Variants in GNA12 observed in about 807,000 individuals in gnomAD.
The protein encoded by GNA12 is G protein subunit alpha 12, also known as guanine nucleotide-binding protein subunit alpha-12.
Under a neutral mutation model 26.0 loss-of-function variants are expected in GNA12, and 9 were observed. That is an observed-to-expected ratio of 0.35 (90% CI 0.21 to 0.60). GNA12 has a LOEUF of 0.60. Among genes scored for constraint, GNA12 ranks in the 20% least tolerant of loss-of-function variants. The pLI, the probability that GNA12 is intolerant of heterozygous loss-of-function variation, is 0.78. For synonymous variants in GNA12, 264 were observed against 219.6 expected, an observed-to-expected ratio of 1.20 and a Z score of -1.79; for missense variants, 405 against 525.8, an observed-to-expected ratio of 0.77 and a Z score of 2.25.
At chr7:2,756,538 C>T (rs1189155527) in intron 2 of GNA12, among the ~76,000 whole-genome samples, 1 of 151,134 alleles carries the variant, frequency 6.6e-6, no homozygotes. Flanking sequence ...TCTCTTGAGC[C>T]CGGGAGGTCG....
chr7:2,841,240 C>T (rs1778980542), intron 1 of GNA12, among the ~76,000 whole-genome samples: 3 of 152,154 alleles, frequency 2.0e-5, no homozygotes, highest in African/African-American at 7.2e-5. Context: ...CAAGCTCCGC[C>T]TCCCGGGTTC....
intron 2 of GNA12, among the ~76,000 whole-genome samples, chr7:2,746,240 C>T (rs1219558758): frequency 1.3e-5 from 2 of 152,210 alleles, no homozygotes; most frequent in Non-Finnish European, 2.9e-5. Context: ...CCACACCACA[C>T]CTATTCCAAA....
At chr7:2,820,141 C>T (rs1457349512) in intron 1 of GNA12, among the ~76,000 whole-genome samples, 1 of 152,178 alleles carries the variant, frequency 6.6e-6, no homozygotes, top group Non-Finnish European at 1.5e-5. Flanking sequence ...ATTCCATTTA[C>T]ATAAAATGTT....
chr7:2,731,349 G>A lies in GNA12; in HGVS notation c.978C>T (p.Asp326=), dbSNP rs61758983. The change falls in exon 4 of 4, where the codon GAC becomes GAT. Residue 326 remains aspartate, a synonymous_variant. Coordinates refer to ENST00000275364, the MANE Select transcript of GNA12 (RefSeq NM_007353.3). The surrounding 1 kb of genome is among the most constrained non-coding windows in gnomAD (Gnocchi z 6.0). ...DFRGDPHRLE[D]VQRYLVQCFD... ...AGCACTGGACCAGGTAGCGCTGGAC[G>A]TCCTCCAGCCTGTGCGGGTCGCCCC... The A allele has an allele frequency of 4.9e-3, 7,840 of 1,614,020 alleles. 316 individuals are homozygous for A. The African/African-American group carries it at 0.092, about 19-fold the overall frequency.
chr7:2,779,179 C>G (rs1453732343), intron 2 of GNA12, among the ~76,000 whole-genome samples: 1 of 151,954 alleles, frequency 6.6e-6, no homozygotes, highest in Non-Finnish European at 1.5e-5. Flanking sequence ...GGCAACATGG[C>G]TGTTTCTCTA....
At chr7:2,776,501 G>A (rs774386066) in intron 2 of GNA12, among the ~76,000 whole-genome samples, 1 of 152,206 alleles carries the variant, frequency 6.6e-6, no homozygotes, top group African/African-American at 2.4e-5. Flanking sequence ...CAGGGGCGAT[G>A]AAAGCATGAA....
At chr7:2,795,710 T>A (rs1792651369) in intron 1 of GNA12, among the ~76,000 whole-genome samples, 1 of 151,364 alleles carries the variant, frequency 6.6e-6, no homozygotes, top group African/African-American at 2.4e-5. Context: ...CTTTCTGCTA[T>A]CATTCATTTG....
chr7:2,736,279 T>C (rs1344462998), intron 2 of GNA12, among the ~76,000 whole-genome samples: 1 of 152,082 alleles, frequency 6.6e-6, no homozygotes, highest in Non-Finnish European at 1.5e-5. Context: ...GGTCACACGA[T>C]CTAGAAACAC....
At chr7:2,767,438 A>T (rs1791835451) in intron 2 of GNA12, among the ~76,000 whole-genome samples, 1 of 151,840 alleles carries the variant, frequency 6.6e-6, no homozygotes, top group Admixed American at 6.6e-5. Flanking sequence ...GTGGTACTTA[A>T]AAAAAAATAG....
In GNA12 at chr7:2,731,827, AAAGAT is replaced by A. The variant is rs1179148603; in HGVS notation, c.577-82_577-78del. ...GAAAATAGAAACAAAAAGATGGCAA[AAAGAT>A]AAGAAGGAAAGAGACTGACTTTTGC... On this transcript the variant is annotated intron_variant, in intron 3 of 3. Coordinates refer to ENST00000275364, the MANE Select transcript of GNA12 (RefSeq NM_007353.3). This position sits in a 1 kb window ranked among gnomAD's most constrained non-coding sequence, Gnocchi z 6.0. 5.2e-6 allele frequency: 4 copies of A among 765,336 alleles called. No homozygotes were observed. The highest frequency in any genetic ancestry group is 5.2e-5 in the African/African-American group (3 of 57,804). 47.4% of individuals were successfully genotyped at this position (765,336 alleles called of 1,614,324 possible). A position where few individuals can be genotyped will look rare whatever the true frequency, so the allele number is the denominator to read the frequency against.
intron 1 of GNA12, among the ~76,000 whole-genome samples, chr7:2,831,360 G>A (rs928400908): frequency 1.3e-5 from 2 of 150,572 alleles, no homozygotes; most frequent in Admixed American, 6.6e-5. Context: ...GGGAAAAACA[G>A]TTCCTCTCCC....
At chr7:2,772,621 G>C (rs73049341) in intron 2 of GNA12, among the ~76,000 whole-genome samples, 20,087 of 151,834 alleles carry the variant, frequency 0.13, 1,427 homozygotes, top group Middle Eastern at 0.2. Flanking sequence ...ACTTAGAAAT[G>C]CAAAGTAAAA....
chr7:2,736,293 T>A (rs1790172154), intron 2 of GNA12, among the ~76,000 whole-genome samples: 1 of 151,892 alleles, frequency 6.6e-6, no homozygotes. Context: ...GAAACACGAG[T>A]GGATCCAAAG....
chr7:2,839,192 G>T (rs1778920421), intron 1 of GNA12, among the ~76,000 whole-genome samples: 1 of 152,182 alleles, frequency 6.6e-6, no homozygotes, highest in African/African-American at 2.4e-5. Context: ...TCTGTCCATA[G>T]TGGAGTCGAA....
intron 1 of GNA12, among the ~76,000 whole-genome samples, chr7:2,808,750 T>A (rs1383993703): frequency 6.6e-6 from 1 of 152,200 alleles, no homozygotes; most frequent in African/African-American, 2.4e-5. Context: ...TTGGCTGCTT[T>A]GTGTCCACAC....
rs1789859735 is a variant in GNA12 at position 2,730,980 on chromosome 7, T to C, written c.*201A>G. 1 of 532,254 alleles carries C rather than the reference T, an allele frequency of 1.9e-6. No individual in the cohort carries two copies. Among genetic ancestry groups the C allele is most frequent in the East Asian group, 2.9e-5 (1 of 34,854 alleles). The allele number at this position is 532,254 out of a possible 1,614,324, so 33.0% of individuals were successfully genotyped here. ...TCAGTAGTTTCACTCGCCCCCAGGA[T>C]TCAGTAGCTAACGTGACAGTTTCCA... On this transcript the variant is annotated 3_prime_UTR_variant, in exon 4 of 4. Transcript: ENST00000275364.
chr7:2,758,115 A>G (rs1165671262), intron 2 of GNA12, among the ~76,000 whole-genome samples: 2 of 152,172 alleles, frequency 1.3e-5, no homozygotes, highest in African/African-American at 4.8e-5. Flanking sequence ...CTTTATGGAA[A>G]GCCCCTCTAT....
At chr7:2,833,728 T>C (rs1301194034) in intron 1 of GNA12, among the ~76,000 whole-genome samples, 1 of 141,404 alleles carries the variant, frequency 7.1e-6, no homozygotes, top group Admixed American at 7.2e-5. Flanking sequence ...AACAAGGCCA[T>C]AAAAACCAAA....
At chr7:2,743,158 G>A (rs1790595097) in intron 2 of GNA12, among the ~76,000 whole-genome samples, 1 of 152,180 alleles carries the variant, frequency 6.6e-6, no homozygotes. Flanking sequence ...CTTTGCCTAA[G>A]AGCCTGGCTG....
Sources: gnomAD v4.1 joint callset for allele counts (sites outside exome capture counted in the v4.1 genomes callset) on GRCh38, gnomAD v4.1.1 for gene constraint, Gnocchi (gnomAD v3.1) non-coding constraint, MANE v1.5 for transcripts, NCBI Gene and HGNC (gene_info 2026-07-23, HGNC 2026-07-21) for gene names.